DLG4: variants seen among roughly 807,000 people sequenced by gnomAD.
DLG4 encodes discs large MAGUK scaffold protein 4.
A neutral mutation model predicts 93.8 loss-of-function variants in DLG4; 7 were observed. That is an observed-to-expected ratio of 0.07 (90% CI 0.04 to 0.14). DLG4 has a LOEUF of 0.14. Ranked by LOEUF, DLG4 falls within the 10% of genes least tolerant of loss-of-function variation. DLG4 has a pLI of 1.00. For missense variants in DLG4, 545 were observed against 992.9 expected, an observed-to-expected ratio of 0.55 and a Z score of 6.06; for synonymous variants, 341 against 387.6, an observed-to-expected ratio of 0.88 and a Z score of 1.41.
Position 7,196,943 on chromosome 17 carries a change from C to T in DLG4, c.897G>A (p.Lys299=). 1 of 1,613,814 alleles carries T rather than the reference C, an allele frequency of 6.2e-7. No homozygotes were observed. The change falls in exon 9 of 20, where the codon AAG becomes AAA. Residue 299 remains lysine, a synonymous_variant. Transcript: ENST00000399506. The surrounding 1 kb of genome is among the most constrained non-coding windows in gnomAD (Gnocchi z 8.3). ...GAATGTCTTCCTCCCCGAGCAGGTC[C>T]TTGGCCACTGGAGAGTAGCGCCGAG... is the stretch of plus-strand genomic sequence containing the variant. ...TSPRRYSPVA[K]DLLGEEDIPR...
rs768829657 is a variant in DLG4, at chr17:7,190,759, G to A, written c.2124C>T (p.Ile708=). 3.8e-5 allele frequency: 61 copies of A among 1,613,512 alleles called. No individual in the cohort carries two copies. The Admixed American group carries it at 5.0e-4, about 13-fold the overall frequency. The part of the protein sequence containing the change: ...EEIYHKVKRV[I]EDLSGPYIWV... ...AGATGTAGGGGCCTGAGAGGTCCTC[G>A]ATGACACGCTTCACCTTGTGGTAGA... is the stretch of plus-strand genomic sequence containing the variant. Residue 708 remains isoleucine (I), a synonymous_variant, in exon 20 of 20, where the codon ATC becomes ATT. Transcript: ENST00000399506.
intron 2 of DLG4, among the ~76,000 whole-genome samples, chr17:7,206,002 C>T (rs942173988): frequency 6.6e-6 from 1 of 151,750 alleles, no homozygotes; most frequent in Non-Finnish European, 1.5e-5. Flanking sequence ...ATCCATCTTC[C>T]AACCCCAGCC....
chr17:7,197,176 C>T, intron 8 of DLG4, 124 bp from the exon 9 acceptor site: 1 of 962,996 alleles, frequency 1.0e-6, no homozygotes, highest in South Asian at 1.7e-5. Flanking sequence ...CCAGAGATGC[C>T]AGGGTGGGGT....
At position 7,196,192 on chromosome 17, in the gene DLG4, G is replaced by A; in HGVS notation, c.1301+28C>T. 2 of 1,570,370 alleles carry A rather than the reference G, an allele frequency of 1.3e-6. No homozygotes were observed. Among genetic ancestry groups the A allele is most frequent in the Non-Finnish European group, 1.7e-6 (2 of 1,144,402 alleles). On this transcript the variant is annotated intron_variant, in intron 11 of 19. Transcript: ENST00000399506. The surrounding 1 kb of genome is among the most constrained non-coding windows in gnomAD (Gnocchi z 8.3). Reference sequence around the variant, plus strand: ...GAGTGCCCAGGAACGCAGAGGGGCTGAGGAGTCCAGCCCGGGAAGCCTCTG... The same window carrying A: ...GAGTGCCCAGGAACGCAGAGGGGCTAAGGAGTCCAGCCCGGGAAGCCTCTG...
chr17:7,212,770 C>G (rs2070759161), intron 1 of DLG4, among the ~76,000 whole-genome samples: 1 of 152,118 alleles, frequency 6.6e-6, no homozygotes, highest in South Asian at 2.1e-4. Flanking sequence ...CACGGTGGCT[C>G]ACACCTGTAA....
intron 8 of DLG4, among the ~76,000 whole-genome samples, chr17:7,201,117 G>A (rs1160064630): frequency 2.6e-5 from 4 of 152,074 alleles, no homozygotes; most frequent in African/African-American, 7.2e-5. Context: ...GCCCGCCTTG[G>A]CCTCCCAAAG....
Position 7,217,320 on chromosome 17 carries a change from G to T in DLG4, c.-173C>A. 1 of 941,344 alleles carries T rather than the reference G, an allele frequency of 1.1e-6. No individual in the cohort carries two copies. The highest frequency in any genetic ancestry group is 1.4e-6 in the Non-Finnish European group (1 of 712,114). 58.3% of individuals were successfully genotyped at this position (941,344 alleles called of 1,614,324 possible). A position where few individuals can be genotyped will look rare whatever the true frequency, so the allele number is the denominator to read the frequency against. On this transcript the variant is annotated 5_prime_UTR_variant, in exon 1 of 20. Coordinates refer to ENST00000399506, the MANE Select transcript of DLG4 (RefSeq NM_001321075.3). ...AGGGGGTTGGAGAAGGGAAGGGGAGGGGAGCGTGGGAGGGAGGGGAAGGGG... is the reference window on the plus strand; with the variant it reads ...AGGGGGTTGGAGAAGGGAAGGGGAGTGGAGCGTGGGAGGGAGGGGAAGGGG...
In DLG4 at chr17:7,212,648, A is replaced by G. The variant is rs1489823157; in HGVS notation, c.31-4409T>C. 4.6e-5 allele frequency among the ~76,000 whole-genome samples: 7 copies of G among 152,178 alleles called. No homozygotes were observed. The South Asian group carries it at 1.4e-3, about 31-fold the overall frequency. On this transcript the variant is annotated intron_variant, in intron 1 of 19. Transcript: ENST00000399506. ...ATAGCAATCTCGTCAATTTTTTCCA[A>G]AACTCTTATAAAAAGAAATGTAGAC... is the stretch of plus-strand genomic sequence containing the variant.
intron 1 of DLG4, among the ~76,000 whole-genome samples, chr17:7,211,401 C>T (rs1325847634): frequency 6.6e-6 from 1 of 151,068 alleles, no homozygotes; most frequent in Non-Finnish European, 1.5e-5. Context: ...GTTGTTCCTT[C>T]CCCTTTGGCC....
chr17:7,193,628 G>C lies in DLG4; in HGVS notation c.1591+39C>G. ...TTAGGCCGAGCGCAGGGTTGGGGGA[G>C]CAGCAAGTGCTGGGGCCAAGGCAGG... On this transcript the variant is annotated intron_variant, in intron 15 of 19. Coordinates refer to ENST00000399506, the MANE Select transcript of DLG4 (RefSeq NM_001321075.3). The surrounding 1 kb of genome is among the most constrained non-coding windows in gnomAD (Gnocchi z 6.7). The C allele has an allele frequency of 2.0e-6, 3 of 1,530,200 alleles. No individual in the cohort carries two copies. The highest frequency in any genetic ancestry group is 2.6e-6 in the Non-Finnish European group (3 of 1,141,194). 94.8% of individuals were successfully genotyped at this position (1,530,200 alleles called of 1,614,324 possible).
intron 2 of DLG4, 198 bp from the exon 3 acceptor site, chr17:7,204,450 C>T (rs1046751785): frequency 1.7e-6 from 1 of 575,000 alleles, no homozygotes. Flanking sequence ...CGCGCACACA[C>T]ACGCACAGAT....
chr17:7,204,472 A>G (rs1302508201), intron 2 of DLG4: 1 of 524,002 alleles, frequency 1.9e-6, no homozygotes. Context: ...CACACGCGCA[A>G]GGATCTAACT....
Position 7,194,426 on chromosome 17 carries a change from C to G in DLG4, c.1371G>C (p.Gly457=). The part of the protein sequence containing the change: ...FLSQALSFRF[G]DVLHVIDASD... The stretch of plus-strand genomic sequence containing the variant: ...TAGCATCGATGACATGCAGCACATC[C>G]CCAAAGCGGAAGCTCAGGGCCTGGC... The change falls in exon 12 of 20, where the codon GGG becomes GGC. Residue 457 remains glycine, a synonymous_variant. Coordinates refer to ENST00000399506, the MANE Select transcript of DLG4 (RefSeq NM_001321075.3). This position sits in a 1 kb window ranked among gnomAD's most constrained non-coding sequence, Gnocchi z 4.4. 6.2e-7 allele frequency: 1 copy of G among 1,612,492 alleles called. No homozygotes were observed. The highest frequency in any genetic ancestry group is 8.5e-7 in the Non-Finnish European group (1 of 1,179,334).
Position 7,190,583 on chromosome 17 carries a change from G to T in DLG4, c.*125C>A, listed in dbSNP as rs1158111355. ...CCCTCCAACAGGCTGGATCCAGTTA[G>T]AAAGGAAATAAATAAGAAGGGGTGG... On this transcript the variant is annotated 3_prime_UTR_variant, in exon 20 of 20. Transcript: ENST00000399506. 1 of 724,822 alleles carries T rather than the reference G, an allele frequency of 1.4e-6. No individual in the cohort carries two copies. Among genetic ancestry groups the T allele is most frequent in the Non-Finnish European group, 2.4e-6 (1 of 411,648 alleles). 44.9% of individuals were successfully genotyped at this position (724,822 alleles called of 1,614,324 possible). A position where few individuals can be genotyped will look rare whatever the true frequency, so the allele number is the denominator to read the frequency against.
In DLG4 at chr17:7,194,296, G is replaced by T. The variant is rs1408221420; in HGVS notation, c.1478+23C>A. ...GAACTTCAGTGCCTGTGGCAGGAAG[G>T]CTACAGAGCCCAGGAGCCTCACCGC... On this transcript the variant is annotated intron_variant, in intron 12 of 19. Coordinates refer to ENST00000399506, the MANE Select transcript of DLG4 (RefSeq NM_001321075.3). The surrounding 1 kb of genome is among the most constrained non-coding windows in gnomAD (Gnocchi z 4.4). 1.3e-6 allele frequency: 2 copies of T among 1,591,218 alleles called. No individual in the cohort carries two copies. Among genetic ancestry groups the T allele is most frequent in the South Asian group, 2.3e-5 (2 of 87,730 alleles).
At chr17:7,200,816 G>T (rs1190726051) in intron 8 of DLG4, among the ~76,000 whole-genome samples, 1 of 148,948 alleles carries the variant, frequency 6.7e-6, no homozygotes, top group Admixed American at 6.7e-5. Context: ...AAAGTGCTGG[G>T]ATTACAGGCA....
In DLG4 at chr17:7,188,855, TA is replaced by T. The variant is rs1597430480; in HGVS notation, c.*1852del. Among the ~76,000 whole-genome samples, 2 of 152,288 alleles carry T rather than the reference TA, an allele frequency of 1.3e-5. No individual in the cohort carries two copies. Among genetic ancestry groups the T allele is most frequent in the East Asian group, 3.9e-4 (2 of 5,188 alleles). The stretch of plus-strand genomic sequence containing the variant: ...GGCTGGGCGTAGTGGCTCATGCCTG[TA>T]ATCTTAACACTGTGGGAGGCCAAGC... On this transcript the variant is annotated 3_prime_UTR_variant, in exon 20 of 20. Coordinates refer to ENST00000399506, the MANE Select transcript of DLG4 (RefSeq NM_001321075.3).
chr17:7,196,629 G>A lies in DLG4; in HGVS notation c.1084-54C>T. The A allele has an allele frequency of 1.9e-6, 3 of 1,605,368 alleles. No individual in the cohort carries two copies. In the East Asian group the frequency reaches 6.7e-5, roughly 36 times the overall value. Reference sequence around the variant, plus strand: ...CAGAGACAGGAGGCAGCACTTCTGGGTCCAGGTGGAGCAGGGAGTGGTCCC... The same window carrying A: ...CAGAGACAGGAGGCAGCACTTCTGGATCCAGGTGGAGCAGGGAGTGGTCCC... On this transcript the variant is annotated intron_variant, in intron 9 of 19. Transcript: ENST00000399506. This position sits in a 1 kb window ranked among gnomAD's most constrained non-coding sequence, Gnocchi z 8.3.
At chr17:7,213,786 T>G in intron 1 of DLG4, 1 of 471,138 alleles carries the variant, frequency 2.1e-6, no homozygotes, top group South Asian at 1.5e-5. Flanking sequence ...AATGACGACT[T>G]CCCTAGAATC....
Sources: allele counts gnomAD v4.1 joint callset (sites outside exome capture counted in the v4.1 genomes callset), GRCh38; gene constraint gnomAD v4.1.1; non-coding constraint Gnocchi (gnomAD v3.1); transcripts MANE v1.5; gene names NCBI Gene and HGNC (gene_info 2026-07-23, HGNC 2026-07-21).